MXI1: variants seen among roughly 807,000 people sequenced by gnomAD.
MXI1 encodes the protein MAX interactor 1, dimerization protein.
In MXI1, 18 loss-of-function variants were observed where a neutral mutation model predicts 36.9. The ratio of observed to expected loss-of-function variants is 0.49; its 90% CI spans 0.34 to 0.72. The LOEUF is 0.72. Ranked by LOEUF, MXI1 falls within the 30% of genes least tolerant of loss-of-function variation. The pLI, the probability that MXI1 is intolerant of heterozygous loss-of-function variation, is 0.01. For synonymous variants in MXI1, 160 were observed against 146.7 expected (o/e 1.09, Z -0.65); for missense variants, 304 against 379.1 (o/e 0.80, Z 1.64).
chr10:110,223,662 T>G (rs1854878901), intron 1 of MXI1, among the ~76,000 whole-genome samples: 1 of 152,066 alleles, frequency 6.6e-6, no homozygotes. Flanking sequence ...TTTAAAATAA[T>G]CCAGTCCCAC....
At chr10:110,264,985 A>G (rs1015475066) in intron 3 of MXI1, among the ~76,000 whole-genome samples, 1 of 152,090 alleles carries the variant, frequency 6.6e-6, no homozygotes, top group African/African-American at 2.4e-5. Flanking sequence ...TTTTCTAGAA[A>G]TGGTATACAG....
intron 1 of MXI1, among the ~76,000 whole-genome samples, chr10:110,225,495 T>G (rs1275283606): frequency 1.3e-5 from 2 of 152,234 alleles, no homozygotes; most frequent in Non-Finnish European, 2.9e-5. Context: ...TTTTCCAGTT[T>G]CTGTGTGCGC....
chr10:110,277,800 A>G (rs1303616615), intron 3 of MXI1, among the ~76,000 whole-genome samples: 2 of 152,214 alleles, frequency 1.3e-5, no homozygotes, highest in Non-Finnish European at 2.9e-5. Flanking sequence ...TCATTAGCCA[A>G]ACCTCTGACC....
At chr10:110,217,846 AG>A (rs1176871960) in intron 1 of MXI1, among the ~76,000 whole-genome samples, 1 of 152,216 alleles carries the variant, frequency 6.6e-6, no homozygotes, top group Non-Finnish European at 1.5e-5. Flanking sequence ...GCTGCTGACA[AG>A]TGCAATGTCT....
chr10:110,239,545 A>G (rs1433069987), intron 2 of MXI1, among the ~76,000 whole-genome samples: 1 of 152,108 alleles, frequency 6.6e-6, no homozygotes, highest in Admixed American at 6.5e-5. Context: ...GGATTTTTCT[A>G]ATTAGCTTAC....
rs1293031591 is a variant in MXI1, at chr10:110,215,035, TTTTTTTTG to T, written c.274+6961_274+6968del. On this transcript the variant is annotated intron_variant, in intron 1 of 5. Transcript: ENST00000332674. ...TTTTCTTTCTGCTCCACTTCAGTTT[TTTTTTTTG>T]TTTTTTTTTTTTTTTTGAGATGGAG... Among the ~76,000 whole-genome samples the T allele has an allele frequency of 9.2e-5, 7 of 75,956 alleles. 2 individuals are homozygous for T. Among genetic ancestry groups the T allele is most frequent in the African/African-American group, 5.9e-4 (5 of 8,542 alleles). The allele number at this position is 75,956 out of a possible 152,430, so 49.8% of individuals were successfully genotyped here.
In MXI1 at chr10:110,236,124, C is replaced by CT. The variant is rs60576710; in HGVS notation, c.407+7842dup. Among the ~76,000 whole-genome samples, 9 of 33,576 alleles carry CT rather than the reference C, an allele frequency of 2.7e-4. 4 individuals are homozygous for CT. Among genetic ancestry groups the CT allele is most frequent in the Non-Finnish European group, 5.0e-4 (9 of 17,976 alleles). 22.0% of individuals were successfully genotyped at this position (33,576 alleles called of 152,430 possible). A position where few individuals can be genotyped will look rare whatever the true frequency, so the allele number is the denominator to read the frequency against. On this transcript the variant is annotated intron_variant, in intron 2 of 5. Coordinates refer to ENST00000332674, the MANE Select transcript of MXI1 (RefSeq NM_130439.3). ...AGGGTGTGAAGTAAAGGTTGAAGTT[C>CT]TTTTTTTTTTTTTTTTTTTTTTTTT...
At chr10:110,232,393 A>G (rs558736622) in intron 2 of MXI1, among the ~76,000 whole-genome samples, 2 of 152,198 alleles carry the variant, frequency 1.3e-5, no homozygotes, top group Admixed American at 1.3e-4. Flanking sequence ...TCTCTGTTGA[A>G]TAACACTCTT....
At chr10:110,248,114 G>A (rs889522536) in intron 3 of MXI1, among the ~76,000 whole-genome samples, 35 of 152,070 alleles carry the variant, frequency 2.3e-4, no homozygotes, top group African/African-American at 7.5e-4. Flanking sequence ...CAAACACTGC[G>A]TGTTCTCACT....
At position 110,208,040 on chromosome 10, in the gene MXI1, G is replaced by C. The variant is rs147367954; in HGVS notation, c.232G>C (p.Glu78Gln). The change falls in exon 1 of 6, where the codon GAG becomes CAG. Residue 78 changes from glutamate (E) to glutamine (Q), a missense_variant. Around this residue, in one of 2 missense-constraint regions of MXI1, gnomAD observed 179 missense variants for 184.8 expected, o/e 0.97. Transcript: ENST00000332674. Reference sequence around the variant, plus strand: ...TCTGCAGAACGTGCAGATTCTGCTCGAGGCCGCCAGCTACCTGGAGCAGAT... The same window carrying C: ...TCTGCAGAACGTGCAGATTCTGCTCCAGGCCGCCAGCTACCTGGAGCAGAT... Reference protein sequence around the residue: ...TFLQNVQILLEAASYLEQIEK... With the variant: ...TFLQNVQILLQAASYLEQIEK... 39 of 1,601,662 alleles carry C rather than the reference G, an allele frequency of 2.4e-5. No homozygotes were observed. The African/African-American group carries it at 5.0e-4, about 20-fold the overall frequency.
intron 3 of MXI1, among the ~76,000 whole-genome samples, chr10:110,275,194 A>G (rs901931191): frequency 1.1e-4 from 17 of 152,116 alleles, no homozygotes; most frequent in Non-Finnish European, 1.5e-5. Context: ...GGATTTTCAA[A>G]TCAAACCAAG....
In MXI1 at chr10:110,254,875, A is replaced by G. The variant is rs912968183; in HGVS notation, c.437+10018A>G. On this transcript the variant is annotated intron_variant, in intron 3 of 5. Transcript: ENST00000332674. ...AGGTTTAAGAAAAGAAGTCATCTCC[A>G]TACAAAAGTACAAAGTGAAGCAGCA... 2.0e-5 allele frequency among the ~76,000 whole-genome samples: 3 copies of G among 152,322 alleles called. No individual in the cohort carries two copies. The East Asian group carries it at 5.8e-4, about 29-fold the overall frequency.
In MXI1 at chr10:110,207,976, C is replaced by A. The variant is rs770008513; in HGVS notation, c.168C>A (p.Asn56Lys). 1 of 1,600,574 alleles carries A rather than the reference C, an allele frequency of 6.2e-7. No homozygotes were observed. Among genetic ancestry groups the A allele is most frequent in the East Asian group, 2.3e-5 (1 of 43,156 alleles). The change falls in exon 1 of 6, where the codon AAC (asparagine) becomes AAA (lysine). Residue 56 changes from asparagine to lysine, a missense_variant. By Grantham distance (94) the Asn-to-Lys change is moderately conservative. Transcript: ENST00000332674. ...KPRCPFSDIF[N>K]TSENSMEKHI... ...GGTGCCCCTTCTCAGACATTTTCAA[C>A]ACCAGCGAGAACTCGATGGAGAAGC... is the stretch of plus-strand genomic sequence containing the variant.
chr10:110,282,925 G>T (rs1335610345), intron 5 of MXI1, among the ~76,000 whole-genome samples: 1 of 152,028 alleles, frequency 6.6e-6, no homozygotes, highest in Non-Finnish European at 1.5e-5. Flanking sequence ...CAATCCTCCT[G>T]CCTTGGCTTC....
intron 1 of MXI1, chr10:110,227,399 G>T (rs1855087157): frequency 2.0e-6 from 2 of 988,542 alleles, no homozygotes; most frequent in South Asian, 8.8e-5. Flanking sequence ...GCTGGGGGAG[G>T]TGCGAGGGTG....
chr10:110,249,576 CAA>C (rs11436694), intron 3 of MXI1, among the ~76,000 whole-genome samples: 36 of 100,316 alleles, frequency 3.6e-4, no homozygotes, highest in Admixed American at 3.2e-4. Flanking sequence ...AAGACTTTGT[CAA>C]AAAAAAAAAA....
intron 2 of MXI1, among the ~76,000 whole-genome samples, chr10:110,232,108 C>T (rs1399003156): frequency 6.6e-6 from 1 of 152,104 alleles, no homozygotes; most frequent in Non-Finnish European, 1.5e-5. Context: ...CTACAGGTGC[C>T]TGCCACCATG....
At chr10:110,227,162 CGT>C (rs1855065416) in intron 1 of MXI1, among the ~76,000 whole-genome samples, 1 of 67,530 alleles carries the variant, frequency 1.5e-5, no homozygotes, top group Admixed American at 1.7e-4. Context: ...GGGGCACGCG[CGT>C]GTGTGGGGAG....
chr10:110,246,486 A>C (rs1275135165), intron 3 of MXI1, among the ~76,000 whole-genome samples: 8 of 152,292 alleles, frequency 5.3e-5, no homozygotes, highest in Non-Finnish European at 1.2e-4. Flanking sequence ...TTAAATGTCA[A>C]ATCCCCTTGA....
Sources: gnomAD v4.1 joint callset for allele counts (sites outside exome capture counted in the v4.1 genomes callset) on GRCh38, gnomAD v4.1.1 for gene constraint, gnomAD v4.1.1 regional missense constraint, MANE v1.5 for transcripts, NCBI Gene and HGNC (gene_info 2026-07-23, HGNC 2026-07-21) for gene names.